CHMP4C: variants seen among roughly 807,000 people sequenced by gnomAD.
CHMP4C encodes charged multivesicular body protein 4C, also known as SNF7 homolog associated with Alix 3.
In CHMP4C, 28 loss-of-function variants were observed where a neutral mutation model predicts 29.0. That is an observed-to-expected ratio of 0.97 (90% CI 0.72 to 1.32). CHMP4C has a LOEUF of 1.32. CHMP4C is among the 40% of genes most tolerant of loss of function. CHMP4C has a pLI of 0.00. For synonymous variants in CHMP4C, 106 were observed against 102.4 expected, an observed-to-expected ratio of 1.04 and a Z score of -0.21; for missense variants, 291 against 281.0, an observed-to-expected ratio of 1.04 and a Z score of -0.25.
At chr8:81,748,439 G>C (rs772392238) in intron 1 of CHMP4C, among the ~76,000 whole-genome samples, 1 of 152,136 alleles carries the variant, frequency 6.6e-6, no homozygotes, top group Non-Finnish European at 1.5e-5. Context: ...TACAATTTAC[G>C]TTTAGAGATT....
chr8:81,736,058 C>T (rs1016513160), intron 1 of CHMP4C, among the ~76,000 whole-genome samples: 2 of 151,060 alleles, frequency 1.3e-5, no homozygotes, highest in Admixed American at 6.6e-5. Context: ...TGCACTCCAG[C>T]CTGAGCGACA....
Position 81,753,077 on chromosome 8 carries a change from A to G in CHMP4C, c.204A>G (p.Ala68=). 6.2e-7 allele frequency: 1 copy of G among 1,609,980 alleles called. No individual in the cohort carries two copies. Among genetic ancestry groups the G allele is most frequent in the Non-Finnish European group, 8.5e-7 (1 of 1,178,042 alleles). ...TCTCTTATTTAGCTGCATTACAGGC[A>G]CTAAAGAGAAAGAAGAGGTTCGAGA... ...GTQNKRAALQ[A]LKRKKRFEKQ... The change falls in exon 2 of 5, where the codon GCA becomes GCG. Residue 68 remains alanine (A), a synonymous_variant. Coordinates refer to ENST00000297265, the MANE Select transcript of CHMP4C (RefSeq NM_152284.4).
rs532378289 is a variant in CHMP4C, at chr8:81,750,778, A to T, written c.191-2286A>T. Among the ~76,000 whole-genome samples, 14 of 152,172 alleles carry T rather than the reference A, an allele frequency of 9.2e-5. No homozygotes were observed. The South Asian group carries it at 2.9e-3, about 32-fold the overall frequency. ...TAGACAGAAATACAGAGGAGAAAAG[A>T]GTGATAAAAGAAATAATAGGATACA... is the stretch of plus-strand genomic sequence containing the variant. On this transcript the variant is annotated intron_variant, in intron 1 of 4. Coordinates refer to ENST00000297265, the MANE Select transcript of CHMP4C (RefSeq NM_152284.4).
chr8:81,755,262 A>G (rs1808957195), intron 2 of CHMP4C, 108 bp from the exon 3 acceptor site: 2 of 490,866 alleles, frequency 4.1e-6, no homozygotes, highest in Non-Finnish European at 7.1e-6. Flanking sequence ...TCCTACTCAA[A>G]TAACTAAGAA....
At chr8:81,735,013 C>T (rs955541730) in intron 1 of CHMP4C, among the ~76,000 whole-genome samples, 3 of 151,986 alleles carry the variant, frequency 2.0e-5, no homozygotes, top group Non-Finnish European at 2.9e-5. Flanking sequence ...CCTGCCTCAG[C>T]TTCCCGAGTA....
rs1307629106 is a variant in CHMP4C at position 81,758,800 on chromosome 8, A to G, written c.*256A>G. ...TGAGGCAGTTGAGACCAGGAGTTCG[A>G]GTCCAGCCTGACCAACATGAAGAAA... On this transcript the variant is annotated 3_prime_UTR_variant, in exon 5 of 5. Transcript: ENST00000297265. 7.8e-6 allele frequency: 3 copies of G among 386,110 alleles called. No homozygotes were observed. Among genetic ancestry groups the G allele is most frequent in the Non-Finnish European group, 1.4e-5 (3 of 215,938 alleles). The allele number at this position is 386,110 out of a possible 1,614,324, so 23.9% of individuals were successfully genotyped here.
chr8:81,753,188 G>A lies in CHMP4C; in HGVS notation c.315G>A (p.Val105=), dbSNP rs1346527111. The change falls in exon 2 of 5, where the codon GTG becomes GTA. Residue 105 remains valine, a synonymous_variant. Coordinates refer to ENST00000297265, the MANE Select transcript of CHMP4C (RefSeq NM_152284.4). ...AGAACTCACACACCAACACTGAGGT[G>A]TTGAGGAACATGGGCTTTGCAGCAA... ...ALENSHTNTE[V]LRNMGFAAKA... 2 of 1,610,806 alleles carry A rather than the reference G, an allele frequency of 1.2e-6. No individual in the cohort carries two copies. Among genetic ancestry groups the A allele is most frequent in the African/African-American group, 2.7e-5 (2 of 74,760 alleles).
At chr8:81,735,957 G>A (rs778142961) in intron 1 of CHMP4C, among the ~76,000 whole-genome samples, 9 of 151,820 alleles carry the variant, frequency 5.9e-5, no homozygotes, top group Non-Finnish European at 1.2e-4. Context: ...GTGGTGGAGC[G>A]TGTCTGTAAT....
At chr8:81,739,894 C>T (rs1350014337) in intron 1 of CHMP4C, among the ~76,000 whole-genome samples, 1 of 152,202 alleles carries the variant, frequency 6.6e-6, no homozygotes, top group Non-Finnish European at 1.5e-5. Flanking sequence ...CTAAAACTCC[C>T]AGCCAAATTA....
chr8:81,754,667 G>T (rs1344197620), intron 2 of CHMP4C, among the ~76,000 whole-genome samples: 2 of 152,106 alleles, frequency 1.3e-5, no homozygotes, highest in African/African-American at 4.8e-5. Flanking sequence ...ACCAGAACCT[G>T]GCATGTAGAC....
intron 1 of CHMP4C, among the ~76,000 whole-genome samples, chr8:81,739,802 TTC>T (rs1160391152): frequency 1.3e-5 from 2 of 152,232 alleles, no homozygotes; most frequent in Non-Finnish European, 2.9e-5. Flanking sequence ...ATTTATTTTG[TTC>T]TGTTAATACT....
At chr8:81,758,087 G>T in intron 3 of CHMP4C, 55 bp from the exon 4 acceptor site, 1 of 1,542,366 alleles carries the variant, frequency 6.5e-7, no homozygotes, top group Non-Finnish European at 8.9e-7. Flanking sequence ...TGTGTTTGAG[G>T]AAACCCATGT....
chr8:81,757,338 C>A (rs925019524), intron 3 of CHMP4C, among the ~76,000 whole-genome samples: 3 of 152,166 alleles, frequency 2.0e-5, no homozygotes, highest in Non-Finnish European at 1.5e-5. Context: ...TGTCCCAAGT[C>A]ATTTCTAATA....
intron 1 of CHMP4C, among the ~76,000 whole-genome samples, chr8:81,734,279 T>C (rs1470468883): frequency 1.3e-5 from 2 of 152,226 alleles, no homozygotes; most frequent in Non-Finnish European, 2.9e-5. Context: ...TTGCCATCTA[T>C]TTGGATCTGT....
At chr8:81,755,787 T>C (rs140912048) in intron 3 of CHMP4C, among the ~76,000 whole-genome samples, 154 of 152,302 alleles carry the variant, frequency 1.0e-3, no homozygotes, top group Non-Finnish European at 1.9e-3. Context: ...AACTGAGTGC[T>C]TGCACATCTG....
chr8:81,755,516 G>C (rs763333304), intron 3 of CHMP4C, 32 bp downstream of exon 3: 2 of 1,308,966 alleles, frequency 1.5e-6, no homozygotes, highest in Admixed American at 1.7e-5. Flanking sequence ...ATGCAGGATT[G>C]TGGCTGCTAT....
Position 81,739,114 on chromosome 8 carries a change from T to G in CHMP4C, c.190+6298T>G, listed in dbSNP as rs867065803. On this transcript the variant is annotated intron_variant, in intron 1 of 4. Coordinates refer to ENST00000297265, the MANE Select transcript of CHMP4C (RefSeq NM_152284.4). ...TCTTTTCCCTTTTTTTTTTTTTTTT[T>G]TGAGATGGAGTCTTGCTCTATCACC... 3.0e-3 allele frequency among the ~76,000 whole-genome samples: 442 copies of G among 146,134 alleles called. 1 individual carries two copies. The highest frequency in any genetic ancestry group is 0.011 in the African/African-American group (426 of 39,074).
chr8:81,745,503 A>C (rs186595276), intron 1 of CHMP4C, among the ~76,000 whole-genome samples: 1 of 152,364 alleles, frequency 6.6e-6, no homozygotes, highest in East Asian at 1.9e-4. Context: ...TATACATTAC[A>C]TGAGCAATGA....
intron 1 of CHMP4C, among the ~76,000 whole-genome samples, chr8:81,747,586 T>A (rs558153121): frequency 1.3e-5 from 2 of 152,180 alleles, no homozygotes; most frequent in South Asian, 4.1e-4. Flanking sequence ...TCTGTTATGA[T>A]GAGGTATTTT....
Sources: gnomAD v4.1 joint callset for allele counts (sites outside exome capture counted in the v4.1 genomes callset) on GRCh38, gnomAD v4.1.1 for gene constraint, MANE v1.5 for transcripts, NCBI Gene and HGNC (gene_info 2026-07-23, HGNC 2026-07-21) for gene names.